The following CST7 variants were observed in gnomAD, a reference collection of about 807,000 sequenced individuals.
CST7 encodes the protein cystatin-F.
CST7 carries 15 observed loss-of-function variants against 13.1 expected under a neutral mutation model. That is an observed-to-expected ratio of 1.14 (90% confidence interval 0.77 to 1.76). The LOEUF (loss-of-function observed/expected upper bound fraction) is 1.76, where lower values mean the gene tolerates loss of function less well. Ranked by LOEUF, CST7 falls within the 40% of genes most tolerant of loss-of-function variation. CST7 has a pLI of 0.00. For synonymous variants in CST7, 75 were observed against 66.9 expected (o/e 1.12, Z -0.59); for missense variants, 193 against 178.8 (o/e 1.08, Z -0.45).
rs200090392 is a variant in CST7 at position 24,959,632 on chromosome 20, C to T, written c.361-3C>T. 6.2e-7 allele frequency: 1 copy of T among 1,614,112 alleles called. No individual in the cohort carries two copies. The highest frequency in any genetic ancestry group is 1.1e-5 in the South Asian group (1 of 91,080). ...CTCTCAGGTGTGCCCTTCTCTGTTT[C>T]AGACTCTGAGCTGCTACTCTGAAGT... On this transcript the variant is annotated splice_polypyrimidine_tract_variant and splice_region_variant and intron_variant, in intron 3 of 3. Transcript: ENST00000480798.
chr20:24,953,190 C>T (rs2087831125), intron 1 of CST7, among the ~76,000 whole-genome samples: 1 of 152,224 alleles, frequency 6.6e-6, no homozygotes, highest in Non-Finnish European at 1.5e-5. Flanking sequence ...ATGCACACAG[C>T]CAGTAGATGC....
At chr20:24,955,055 CA>C (rs201760088) in intron 1 of CST7, among the ~76,000 whole-genome samples, 2,117 of 45,262 alleles carry the variant, frequency 0.047, 50 homozygotes, top group African/African-American at 0.12. Context: ...ACAACAACAA[CA>C]AAAAAAAACG....
At chr20:24,951,483 G>A (rs1296332856) in intron 1 of CST7, among the ~76,000 whole-genome samples, 1 of 152,216 alleles carries the variant, frequency 6.6e-6, no homozygotes, top group African/African-American at 2.4e-5. Context: ...GGCTGTATAG[G>A]GAGGGTGCTG....
At chr20:24,949,706 T>C in intron 1 of CST7, 131 bp downstream of exon 1, 1 of 1,235,978 alleles carries the variant, frequency 8.1e-7, no homozygotes, top group Non-Finnish European at 1.1e-6. Flanking sequence ...TGAGAGGTGC[T>C]GGGAGTGGTG....
chr20:24,957,465 G>C lies in CST7; in HGVS notation c.243+6G>C. 1.2e-6 allele frequency: 2 copies of C among 1,612,812 alleles called. No individual in the cohort carries two copies. Among genetic ancestry groups the C allele is most frequent in the Middle Eastern group, 1.7e-4 (1 of 6,024 alleles). On this transcript the variant is annotated splice_donor_region_variant and intron_variant, in intron 2 of 3. Transcript: ENST00000480798. The stretch of plus-strand genomic sequence containing the variant: ...TCACAAGGGCCCTAGTTCAGGTAAC[G>C]GTCTGGGTTCTGGTCACATATCACG...
intron 3 of CST7, 147 bp downstream of exon 3, chr20:24,959,191 G>A (rs996792971): frequency 7.4e-6 from 5 of 671,448 alleles, no homozygotes; most frequent in South Asian, 3.6e-5. Flanking sequence ...ACTCCCGCAC[G>A]ACTGAGGATC....
chr20:24,956,975 G>A (rs961010909), intron 1 of CST7, among the ~76,000 whole-genome samples: 2 of 134,968 alleles, frequency 1.5e-5, no homozygotes, highest in Non-Finnish European at 3.2e-5. Flanking sequence ...TAAATGCACT[G>A]CAGGGGTGTC....
chr20:24,957,851 GC>G (rs1467603401), intron 2 of CST7, among the ~76,000 whole-genome samples: 1 of 152,162 alleles, frequency 6.6e-6, no homozygotes, highest in East Asian at 1.9e-4. Flanking sequence ...CCCCTCACGT[GC>G]CCTGCAGCCC....
intron 1 of CST7, among the ~76,000 whole-genome samples, chr20:24,952,304 T>A (rs1298562367): frequency 6.6e-6 from 1 of 152,220 alleles, no homozygotes; most frequent in Non-Finnish European, 1.5e-5. Flanking sequence ...CCTGAGATCA[T>A]ACAGCCAGTG....
Position 24,949,564 on chromosome 20 carries a change from G to C in CST7, c.59G>C (p.Gly20Ala). 6.2e-7 allele frequency: 1 copy of C among 1,614,076 alleles called. No homozygotes were observed. The highest frequency in any genetic ancestry group is 8.5e-7 in the Non-Finnish European group (1 of 1,180,018). Residue 20 changes from glycine to alanine, a missense_variant, in exon 1 of 4, where the codon GGC becomes GCC. Physicochemically the swap from Gly to Ala is moderately conservative, Grantham distance 60 (BLOSUM62 0). Coordinates refer to ENST00000480798, the MANE Select transcript of CST7 (RefSeq NM_003650.4). ...FCCLVLSTTG[G>A]PSPDTCSQDL... Reference sequence around the variant, plus strand: ...TGCCTGGTCTTGAGCACCACTGGGGGCCCTTCCCCAGGTAAGTGGCGTTCT... The same window carrying C: ...TGCCTGGTCTTGAGCACCACTGGGGCCCCTTCCCCAGGTAAGTGGCGTTCT...
chr20:24,954,863 T>G (rs1163943146), intron 1 of CST7, among the ~76,000 whole-genome samples: 2 of 152,186 alleles, frequency 1.3e-5, no homozygotes, highest in Non-Finnish European at 2.9e-5. Flanking sequence ...TTAAAAAAGT[T>G]AATAGTGGTT....
chr20:24,950,690 C>G (rs972317935), intron 1 of CST7, among the ~76,000 whole-genome samples: 10 of 151,688 alleles, frequency 6.6e-5, no homozygotes, highest in African/African-American at 2.2e-4. Context: ...ATACCCGGCC[C>G]TGCCTCCCAG....
At position 24,959,875 on chromosome 20, in the gene CST7, G is replaced by C. The variant is rs55699248; in HGVS notation, c.*163G>C. On this transcript the variant is annotated 3_prime_UTR_variant, in exon 4 of 4. Coordinates refer to ENST00000480798, the MANE Select transcript of CST7 (RefSeq NM_003650.4). The stretch of plus-strand genomic sequence containing the variant: ...TCACCGCAGGGCAGCTGGAATGGCA[G>C]CATGGTAGCACCTCCTAACAGATTA... The C allele has an allele frequency of 6.1e-6, 4 of 657,534 alleles. No individual in the cohort carries two copies. In the African/African-American group the frequency reaches 7.2e-5, roughly 12 times the overall value. The allele number at this position is 657,534 out of a possible 1,614,324, so 40.7% of individuals were successfully genotyped here. A position where few individuals can be genotyped will look rare whatever the true frequency, so the allele number is the denominator to read the frequency against.
chr20:24,949,690 CG>C lies in CST7; in HGVS notation c.70+117del, dbSNP rs2087808269. ...AGCTTGGAGCCCCCACAGGACCATG[CG>C]GTGGTGAGAGGTGCTGGGAGTGGTG... On this transcript the variant is annotated intron_variant, in intron 1 of 3. Coordinates refer to ENST00000480798, the MANE Select transcript of CST7 (RefSeq NM_003650.4). The C allele has an allele frequency of 5.1e-6, 7 of 1,371,482 alleles. No homozygotes were observed. In the East Asian group the frequency reaches 1.5e-4, roughly 29 times the overall value. The allele number at this position is 1,371,482 out of a possible 1,614,324, so 85.0% of individuals were successfully genotyped here. A position where few individuals can be genotyped will look rare whatever the true frequency, so the allele number is the denominator to read the frequency against.
intron 1 of CST7, among the ~76,000 whole-genome samples, chr20:24,955,685 G>A (rs1441879857): frequency 1.3e-5 from 2 of 152,138 alleles, no homozygotes; most frequent in South Asian, 2.1e-4. Context: ...TCCTGACCTC[G>A]TGATCTGCCC....
At position 24,952,887 on chromosome 20, in the gene CST7, G is replaced by A. The variant is rs138024860; in HGVS notation, c.70+3312G>A. Among the ~76,000 whole-genome samples, 1,250 of 152,308 alleles carry A rather than the reference G, an allele frequency of 8.2e-3. 9 individuals are homozygous for A. Among genetic ancestry groups the A allele is most frequent in the Non-Finnish European group, 0.013 (884 of 68,014 alleles). ...GAGGAGGTGGGCAATGCCAGCCCCC[G>A]CTGTGCCCACCCATTTTCCTACTAA... On this transcript the variant is annotated intron_variant, in intron 1 of 3. Transcript: ENST00000480798.
chr20:24,955,127 C>G (rs2087845415), intron 1 of CST7, among the ~76,000 whole-genome samples: 1 of 151,980 alleles, frequency 6.6e-6, no homozygotes, highest in South Asian at 2.1e-4. Context: ...GTGTCTCTTT[C>G]TCTGCTGTTC....
At chr20:24,952,915 G>A (rs1340363574) in intron 1 of CST7, among the ~76,000 whole-genome samples, 1 of 152,152 alleles carries the variant, frequency 6.6e-6, no homozygotes, top group Admixed American at 6.5e-5. Flanking sequence ...CCTACTAAAG[G>A]CAGGTGGGAA....
intron 1 of CST7, among the ~76,000 whole-genome samples, chr20:24,950,526 C>T (rs2087812592): frequency 6.6e-6 from 1 of 152,202 alleles, no homozygotes; most frequent in Admixed American, 6.5e-5. Context: ...AGGGCGGACG[C>T]TGCGACTGAG....
Sources: allele counts gnomAD v4.1 joint callset (sites outside exome capture counted in the v4.1 genomes callset), GRCh38; gene constraint gnomAD v4.1.1; transcripts MANE v1.5; gene names NCBI Gene and HGNC (gene_info 2026-07-23, HGNC 2026-07-21).